SMCO2: variants seen among roughly 807,000 people sequenced by gnomAD.
The protein encoded by SMCO2 is single-pass membrane and coiled-coil domain-containing protein 2.
In SMCO2, 25 loss-of-function variants were observed where a neutral mutation model predicts 29.5. The observed-to-expected ratio is 0.85, with a 90% CI of 0.62 to 1.18. The LOEUF is 1.18. SMCO2 is among the 50% of genes most tolerant of loss of function. The probability of loss-of-function intolerance (pLI) is 0.00; values close to 1 mark genes in which losing one functional copy is unlikely to be tolerated. For missense variants in SMCO2, 348 were observed against 344.5 expected (o/e 1.01, Z -0.08); for synonymous variants, 117 against 123.3 (o/e 0.95, Z 0.34).
intron 4 of SMCO2, among the ~76,000 whole-genome samples, chr12:27,476,789 T>TA (rs966436840): frequency 3.9e-5 from 6 of 152,030 alleles, no homozygotes; most frequent in African/African-American, 1.4e-4. Context: ...TTGGGTCATT[T>TA]AAAAAATCAA....
chr12:27,442,976 A>C, the SMCO2 span, among the ~76,000 whole-genome samples: 2 of 152,224 alleles, frequency 1.3e-5, no homozygotes, highest in Non-Finnish European at 2.9e-5. Context: ...AAATTATTCT[A>C]GAAAATTGAA....
chr12:27,475,399 C>T (rs387151), intron 4 of SMCO2, among the ~76,000 whole-genome samples, 183 bp from the exon 5 acceptor site: 31,198 of 152,038 alleles, frequency 0.21, 5,866 homozygotes, highest in African/African-American at 0.48. Context: ...TAAAGATCTG[C>T]TAAAGTGGAT....
the SMCO2 span, among the ~76,000 whole-genome samples, chr12:27,426,134 C>T: frequency 2.0e-5 from 3 of 152,168 alleles, no homozygotes; most frequent in East Asian, 5.8e-4. Flanking sequence ...TTCCCCAGGT[C>T]TCCCACTGCC....
At chr12:27,447,268 G>T in the SMCO2 span, among the ~76,000 whole-genome samples, 1 of 152,006 alleles carries the variant, frequency 6.6e-6, no homozygotes, top group Non-Finnish European at 1.5e-5. Context: ...CAGGATTACT[G>T]GGGAAACCAC....
intron 4 of SMCO2, among the ~76,000 whole-genome samples, chr12:27,477,051 TG>T (rs1949592725): frequency 6.6e-6 from 1 of 152,132 alleles, no homozygotes; most frequent in South Asian, 2.1e-4. Flanking sequence ...TGAGTTTTCA[TG>T]TTTGTAGATT....
intron 7 of SMCO2, among the ~76,000 whole-genome samples, chr12:27,496,130 G>A (rs1348253400): frequency 1.3e-5 from 2 of 149,892 alleles, no homozygotes; most frequent in South Asian, 2.1e-4. Flanking sequence ...TCTAAATATA[G>A]ATAGATATAT....
At chr12:27,458,368 T>G in the SMCO2 span, among the ~76,000 whole-genome samples, 1 of 152,276 alleles carries the variant, frequency 6.6e-6, no homozygotes, top group Admixed American at 6.5e-5. Flanking sequence ...CTTAAACATT[T>G]CAAAGGCCCG....
chr12:27,497,717 A>T, intron 7 of SMCO2: 1 of 160,876 alleles, frequency 6.2e-6, no homozygotes, highest in South Asian at 1.7e-4. Flanking sequence ...TGGGTAACAG[A>T]GTGAGACCTG....
intron 4 of SMCO2, among the ~76,000 whole-genome samples, chr12:27,479,083 T>A (rs1565677131): frequency 6.6e-6 from 1 of 152,150 alleles, no homozygotes; most frequent in Non-Finnish European, 1.5e-5. Context: ...TGGGTGTCAG[T>A]GGCTATGGGT....
the SMCO2 span, among the ~76,000 whole-genome samples, chr12:27,452,807 T>C: frequency 6.6e-6 from 1 of 152,164 alleles, no homozygotes; most frequent in Admixed American, 6.5e-5. Context: ...TTTGATATAT[T>C]TACTTTCCTT....
At chr12:27,437,296 G>A in the SMCO2 span, among the ~76,000 whole-genome samples, 3 of 152,170 alleles carry the variant, frequency 2.0e-5, no homozygotes, top group East Asian at 5.8e-4. Context: ...AACATAGTGG[G>A]CATCCATTTG....
At chr12:27,478,372 G>C (rs1949609085) in intron 4 of SMCO2, among the ~76,000 whole-genome samples, 1 of 152,114 alleles carries the variant, frequency 6.6e-6, no homozygotes, top group Non-Finnish European at 1.5e-5. Flanking sequence ...GGTTAGTCTG[G>C]GTGGGCCAGA....
At chr12:27,487,355 C>T (rs1037713492) in intron 4 of SMCO2, among the ~76,000 whole-genome samples, 1 of 152,148 alleles carries the variant, frequency 6.6e-6, no homozygotes, top group African/African-American at 2.4e-5. Flanking sequence ...TTTTTTCACT[C>T]AGGATAATTT....
intron 5 of SMCO2, among the ~76,000 whole-genome samples, chr12:27,491,527 T>C (rs753353042): frequency 3.3e-5 from 5 of 152,170 alleles, no homozygotes; most frequent in Non-Finnish European, 7.3e-5. Flanking sequence ...AATTCAGGGA[T>C]TGATGATGAA....
intron 4 of SMCO2, among the ~76,000 whole-genome samples, chr12:27,483,526 T>A (rs887634017): frequency 2.0e-5 from 3 of 152,048 alleles, no homozygotes; most frequent in African/African-American, 7.3e-5. Context: ...CAAGCGGTCC[T>A]CCCACCTAAA....
rs138314354 is a variant in SMCO2, at chr12:27,497,930, C to T, written c.683+2075C>T. ...TGATCCTAAAGTAACTAGAGTCTCC[C>T]GTGCTGGATTTGGTGTGTTGCTAGG... is the stretch of plus-strand genomic sequence containing the variant. On this transcript the variant is annotated intron_variant, in intron 7 of 7. Transcript: ENST00000298876. 1.5e-3 allele frequency: 513 copies of T among 332,796 alleles called. 9 individuals carry two copies. Among genetic ancestry groups the T allele is most frequent in the Non-Finnish European group, 2.6e-3 (444 of 170,156 alleles). 20.6% of individuals were successfully genotyped at this position (332,796 alleles called of 1,614,324 possible).
chr12:27,486,534 A>G (rs1949690535), intron 4 of SMCO2, among the ~76,000 whole-genome samples: 2 of 152,236 alleles, frequency 1.3e-5, no homozygotes, highest in South Asian at 4.1e-4. Context: ...ATGGGAGGCT[A>G]AATCCAATTC....
intron 7 of SMCO2, 31 bp from the exon 9 acceptor site, chr12:27,501,892 T>C (rs1439821581): frequency 7.0e-7 from 1 of 1,435,958 alleles, no homozygotes; most frequent in East Asian, 2.6e-5. Context: ...TTTCAGAATT[T>C]GGTTAACACA....
At chr12:27,462,152 T>C (rs969084475), upstream of SMCO2, among the ~76,000 whole-genome samples, 3 of 152,212 alleles carry the variant, frequency 2.0e-5, no homozygotes, top group African/African-American at 4.8e-5. Flanking sequence ...GATGTTTTTT[T>C]CCTAAATATC....
Sources: gnomAD v4.1 joint callset for allele counts (sites outside exome capture counted in the v4.1 genomes callset) on GRCh38, gnomAD v4.1.1 for gene constraint, MANE v1.5 for transcripts, NCBI Gene and HGNC (gene_info 2026-07-23, HGNC 2026-07-21) for gene names.